The following EYS variants were observed in gnomAD, a reference collection of about 807,000 sequenced individuals.
EYS encodes the protein protein eyes shut homolog.
Under a neutral mutation model 282.1 loss-of-function variants are expected in EYS, and 250 were observed. That is an observed-to-expected ratio of 0.89 (90% CI 0.80 to 0.98). The LOEUF is 0.98. Among genes scored for constraint, EYS ranks in the 50% least tolerant of loss-of-function variants. EYS has a pLI of 0.00. For synonymous variants in EYS, 1,355 were observed against 1,282.9 expected, an observed-to-expected ratio of 1.06 and a Z score of -1.20; for missense variants, 4,016 against 3,709.0, an observed-to-expected ratio of 1.08 and a Z score of -2.15.
intron 14 of EYS, among the ~76,000 whole-genome samples, chr6:64,996,805 C>A (rs1554225659): frequency 6.6e-6 from 1 of 152,172 alleles, no homozygotes; most frequent in Non-Finnish European, 1.5e-5. Context: ...CATATTTTGG[C>A]TTTTCAAAGG....
chr6:64,499,629 T>C (rs1776980564), intron 26 of EYS, among the ~76,000 whole-genome samples: 1 of 152,108 alleles, frequency 6.6e-6, no homozygotes, highest in African/African-American at 2.4e-5. Context: ...ACCTCTTATC[T>C]GTCTTTTTTT....
chr6:65,293,909 A>G (rs1213644083), intron 12 of EYS, among the ~76,000 whole-genome samples: 1 of 151,978 alleles, frequency 6.6e-6, no homozygotes, highest in African/African-American at 2.4e-5. Flanking sequence ...TGATATAAAA[A>G]GCCATGGTTA....
chr6:65,413,369 A>G (rs555391920), intron 5 of EYS, among the ~76,000 whole-genome samples: 1 of 152,326 alleles, frequency 6.6e-6, no homozygotes. Flanking sequence ...AAGGAAATAG[A>G]ACACATTTAA....
At chr6:64,442,979 T>C (rs4321807) in intron 26 of EYS, among the ~76,000 whole-genome samples, 42,158 of 152,036 alleles carry the variant, frequency 0.28, 5,981 homozygotes, top group East Asian at 0.46. Flanking sequence ...AGGACCACCA[T>C]TCTCCAGAAC....
intron 12 of EYS, among the ~76,000 whole-genome samples, chr6:65,200,942 G>C (rs1040102330): frequency 6.6e-6 from 1 of 152,036 alleles, no homozygotes; most frequent in Non-Finnish European, 1.5e-5. Context: ...TCTAAAGACT[G>C]TTTTTCATGT....
intron 5 of EYS, among the ~76,000 whole-genome samples, chr6:65,457,623 G>C (rs977403972): frequency 6.6e-6 from 1 of 151,966 alleles, no homozygotes; most frequent in Non-Finnish European, 1.5e-5. Context: ...CTAAATAAGT[G>C]CTATTATTTG....
intron 29 of EYS, among the ~76,000 whole-genome samples, chr6:64,319,407 C>A (rs1209285396): frequency 6.6e-6 from 1 of 151,746 alleles, no homozygotes; most frequent in East Asian, 1.9e-4. Context: ...TGGTTTTCAT[C>A]CTGTATTATC....
intron 18 of EYS, among the ~76,000 whole-genome samples, chr6:64,898,469 G>T (rs1296592034): frequency 6.6e-6 from 1 of 151,874 alleles, no homozygotes; most frequent in Non-Finnish European, 1.5e-5. Flanking sequence ...AACATGAAAG[G>T]AAAAATGGGT....
chr6:64,892,035 T>C (rs1329314088), intron 18 of EYS, among the ~76,000 whole-genome samples: 1 of 151,996 alleles, frequency 6.6e-6, no homozygotes, highest in East Asian at 1.9e-4. Context: ...TAAGATGCAT[T>C]TTAACAGTGA....
chr6:63,799,001 A>ATATATG (rs1562031623), intron 37 of EYS, among the ~76,000 whole-genome samples: 1 of 133,846 alleles, frequency 7.5e-6, no homozygotes, highest in Non-Finnish European at 1.6e-5. Flanking sequence ...ATATATATAT[A>ATATATG]TATATATATA....
In EYS at chr6:64,554,510, C is replaced by T. The variant is rs1360212739; in HGVS notation, c.5644+35713G>A. 2.0e-5 allele frequency among the ~76,000 whole-genome samples: 3 copies of T among 152,000 alleles called. No homozygotes were observed. The South Asian group carries it at 6.2e-4, about 32-fold the overall frequency. ...AATTCCAACCCTAAAAAACAAAAGA[C>T]CTTGCATGGTTAATATACAAATGAC... On this transcript the variant is annotated intron_variant, in intron 26 of 42. Coordinates refer to ENST00000503581, the MANE Select transcript of EYS (RefSeq NM_001142800.2).
At chr6:65,664,219 A>C (rs1490584229) in intron 1 of EYS, among the ~76,000 whole-genome samples, 1 of 152,122 alleles carries the variant, frequency 6.6e-6, no homozygotes, top group African/African-American at 2.4e-5. Flanking sequence ...GAATAATAAT[A>C]GTGAAAGAAC....
intron 1 of EYS, among the ~76,000 whole-genome samples, chr6:65,692,707 T>C (rs1259966127): frequency 1.3e-5 from 2 of 150,012 alleles, no homozygotes; most frequent in African/African-American, 4.9e-5. Context: ...ACATGTAGTA[T>C]TTATAAACAT....
chr6:64,736,330 A>G (rs911561063), intron 22 of EYS, among the ~76,000 whole-genome samples: 2 of 152,162 alleles, frequency 1.3e-5, no homozygotes, highest in African/African-American at 2.4e-5. Flanking sequence ...TCTATTTTTG[A>G]GTATTGAATG....
chr6:63,946,738 T>A (rs1400669378), intron 35 of EYS, among the ~76,000 whole-genome samples: 8 of 151,642 alleles, frequency 5.3e-5, no homozygotes, highest in African/African-American at 1.9e-4. Context: ...TTTTTTTTTT[T>A]TTTTTTGGCT....
chr6:64,803,184 G>T (rs1441593104), intron 22 of EYS, among the ~76,000 whole-genome samples: 1 of 152,144 alleles, frequency 6.6e-6, no homozygotes, highest in Non-Finnish European at 1.5e-5. Flanking sequence ...CTGTAGGCAG[G>T]TTATCCCAGG....
At chr6:64,092,735 T>C (rs1772416431) in intron 31 of EYS, among the ~76,000 whole-genome samples, 1 of 151,914 alleles carries the variant, frequency 6.6e-6, no homozygotes, top group Admixed American at 6.5e-5. Flanking sequence ...TTTCTTTTGC[T>C]GTGCAGAAGC....
chr6:64,309,207 G>A (rs189535170), intron 29 of EYS, among the ~76,000 whole-genome samples: 1 of 151,744 alleles, frequency 6.6e-6, no homozygotes, highest in African/African-American at 2.4e-5. Flanking sequence ...TATTCATAGG[G>A]ATAAAAAAAG....
At chr6:64,355,409 C>CA (rs1250971575) in intron 29 of EYS, among the ~76,000 whole-genome samples, 1 of 151,534 alleles carries the variant, frequency 6.6e-6, no homozygotes, top group East Asian at 2.0e-4. Flanking sequence ...TTAAAAAACT[C>CA]AGAGTAGTTT....
Sources: gnomAD v4.1 joint callset for allele counts (sites outside exome capture counted in the v4.1 genomes callset) on GRCh38, gnomAD v4.1.1 for gene constraint, MANE v1.5 for transcripts, NCBI Gene and HGNC (gene_info 2026-07-23, HGNC 2026-07-21) for gene names.